Variants in ATL2 observed in about 807,000 individuals in gnomAD.
ATL2 encodes the protein atlastin GTPase 2.
ATL2 carries 31 observed loss-of-function variants against 73.9 expected under a neutral mutation model. The observed-to-expected ratio is 0.42, with a 90% CI of 0.32 to 0.57. The LOEUF is 0.57. ATL2 is among the 20% of genes least tolerant of loss of function. The pLI, the probability that ATL2 is intolerant of heterozygous loss-of-function variation, is 0.14. For missense variants in ATL2, 738 were observed against 702.6 expected (o/e 1.05, Z -0.57); for synonymous variants, 291 against 237.5 (o/e 1.23, Z -2.07).
intron 2 of ATL2, among the ~76,000 whole-genome samples, chr2:38,333,638 C>G (rs924751748): frequency 6.6e-6 from 1 of 152,064 alleles, no homozygotes; most frequent in Admixed American, 6.6e-5. Flanking sequence ...CTCTCAAATC[C>G]AAAATGGAAA....
intron 2 of ATL2, among the ~76,000 whole-genome samples, chr2:38,319,604 CA>C (rs56693226): frequency 0.035 from 4,479 of 126,790 alleles, 97 homozygotes; most frequent in Non-Finnish European, 0.054. Context: ...GCCTCAAAAA[CA>C]AAAAAAAAAA....
At chr2:38,347,321 C>A (rs1269017965) in intron 1 of ATL2, among the ~76,000 whole-genome samples, 1 of 152,138 alleles carries the variant, frequency 6.6e-6, no homozygotes, top group Admixed American at 6.6e-5. Context: ...TTGCTGTTCC[C>A]TGATGAAGCT....
chr2:38,319,603 A>T (rs1668208885), intron 2 of ATL2, among the ~76,000 whole-genome samples: 1 of 124,826 alleles, frequency 8.0e-6, no homozygotes, highest in Non-Finnish European at 1.7e-5. Context: ...TGCCTCAAAA[A>T]CAAAAAAAAA....
chr2:38,353,559 T>C (rs1288943042), intron 1 of ATL2, among the ~76,000 whole-genome samples: 2 of 152,160 alleles, frequency 1.3e-5, no homozygotes, highest in African/African-American at 4.8e-5. Flanking sequence ...GTTACCAAAA[T>C]TTGATGACAG....
chr2:38,361,017 T>G (rs1670982802), intron 1 of ATL2, among the ~76,000 whole-genome samples: 1 of 151,902 alleles, frequency 6.6e-6, no homozygotes, highest in East Asian at 1.9e-4. Flanking sequence ...GATCTAAATA[T>G]TTACATATGG....
intron 2 of ATL2, 63 bp from the exon 3 acceptor site, chr2:38,319,082 T>C: frequency 1.3e-6 from 2 of 1,529,502 alleles, no homozygotes; most frequent in Non-Finnish European, 1.8e-6. Context: ...AACCAAAAAA[T>C]CACCCATTCT....
At chr2:38,372,092 G>T (rs1040703459) in intron 1 of ATL2, among the ~76,000 whole-genome samples, 2 of 148,294 alleles carry the variant, frequency 1.3e-5, no homozygotes, top group African/African-American at 5.0e-5. Context: ...GTTTTTATGA[G>T]ATTCACTGTT....
chr2:38,314,621 T>C lies in ATL2; in HGVS notation c.698A>G (p.Gln233Arg). Residue 233 changes from glutamine to arginine, a missense_variant, in exon 6 of 13, where the codon CAG (glutamine) becomes CGG (arginine). Transcript: ENST00000378954. ...TAACTTTTTTACCTGAAATGGTTTC[T>C]GGTAGATTTCTTCCATCGCAAGTCT... Reference protein sequence around the residue: ...YGRLAMEEIYQKPFQTLMFLI... With the variant: ...YGRLAMEEIYRKPFQTLMFLI... 1.2e-6 allele frequency: 2 copies of C among 1,601,004 alleles called. No homozygotes were observed. Among genetic ancestry groups the C allele is most frequent in the Non-Finnish European group, 1.7e-6 (2 of 1,168,556 alleles).
chr2:38,322,064 GT>G (rs983565807), intron 2 of ATL2, among the ~76,000 whole-genome samples: 1 of 152,062 alleles, frequency 6.6e-6, no homozygotes, highest in African/African-American at 2.4e-5. Flanking sequence ...TGGTTTTGCA[GT>G]TTTTTTGTGA....
intron 1 of ATL2, among the ~76,000 whole-genome samples, chr2:38,357,513 G>A (rs1326877793): frequency 6.6e-6 from 1 of 151,314 alleles, no homozygotes; most frequent in Non-Finnish European, 1.5e-5. Context: ...AATTAGCTGG[G>A]CGTGGTGGCA....
At position 38,318,362 on chromosome 2, in the gene ATL2, T is replaced by G. The variant is rs1668139270; in HGVS notation, c.603+173A>C. 20 of 417,372 alleles carry G rather than the reference T, an allele frequency of 4.8e-5. No homozygotes were observed. The East Asian group carries it at 7.3e-4, about 15-fold the overall frequency. The allele number at this position is 417,372 out of a possible 1,614,324, so 25.9% of individuals were successfully genotyped here. A position where few individuals can be genotyped will look rare whatever the true frequency, so the allele number is the denominator to read the frequency against. On this transcript the variant is annotated intron_variant, in intron 4 of 12. Coordinates refer to ENST00000378954, the MANE Select transcript of ATL2 (RefSeq NM_001135673.4). ...GGCATGGTGGCGGGGGCCTGTAATC[T>G]CAGCTACTCGGGTTAGGAGAATGAA...
chr2:38,372,066 TGA>T (rs1671719912), intron 1 of ATL2, among the ~76,000 whole-genome samples: 1 of 151,186 alleles, frequency 6.6e-6, no homozygotes, highest in Non-Finnish European at 1.5e-5. Context: ...AAGGATTAAA[TGA>T]AGGGAAAAAT....
chr2:38,306,211 G>A (rs1028906364), intron 9 of ATL2, among the ~76,000 whole-genome samples: 4 of 152,006 alleles, frequency 2.6e-5, no homozygotes, highest in Admixed American at 1.3e-4. Context: ...TCTAAAACCC[G>A]TACAGACCAA....
intron 5 of ATL2, 102 bp downstream of exon 5, chr2:38,315,182 G>C (rs1004163706): frequency 2.6e-6 from 3 of 1,168,062 alleles, no homozygotes; most frequent in East Asian, 3.6e-5. Flanking sequence ...ACTTGGGAGG[G>C]GGAGGTTGCA....
Position 38,310,349 on chromosome 2 carries a change from A to G in ATL2, c.903T>C (p.Leu301=). ...LGCFLLPHPG[L]KVATNPSFDG... ...CAAAACTAGGATTAGTTGCAACTTT[A>G]AGACCAGGATGTGGCAAAAGGAAGC... Residue 301 remains leucine, a synonymous_variant, in exon 8 of 13, where the codon CTT becomes CTC. Transcript: ENST00000378954. 6.2e-7 allele frequency: 1 copy of G among 1,612,934 alleles called. No individual in the cohort carries two copies. The highest frequency in any genetic ancestry group is 1.3e-5 in the African/African-American group (1 of 74,970).
intron 2 of ATL2, among the ~76,000 whole-genome samples, chr2:38,335,976 A>G (rs1669337289): frequency 6.6e-6 from 1 of 152,330 alleles, no homozygotes; most frequent in East Asian, 1.9e-4. Context: ...GCAGTGAGCC[A>G]CTGCACTCCA....
chr2:38,365,421 G>C (rs776188523), intron 1 of ATL2, among the ~76,000 whole-genome samples: 2 of 152,036 alleles, frequency 1.3e-5, no homozygotes, highest in Admixed American at 6.6e-5. Context: ...TTGGGAGGCC[G>C]AGGCAGGCAG....
intron 12 of ATL2, among the ~76,000 whole-genome samples, chr2:38,297,202 C>T (rs1270287987): frequency 6.6e-6 from 1 of 152,028 alleles, no homozygotes; most frequent in African/African-American, 2.4e-5. Flanking sequence ...AGTCAATATC[C>T]AATCAACTTT....
At chr2:38,349,234 T>A (rs1447014446) in intron 1 of ATL2, among the ~76,000 whole-genome samples, 1 of 152,134 alleles carries the variant, frequency 6.6e-6, no homozygotes, top group Non-Finnish European at 1.5e-5. Context: ...GTATGTTCGT[T>A]GTGGCACTAT....
Sources: allele counts gnomAD v4.1 joint callset (sites outside exome capture counted in the v4.1 genomes callset), GRCh38; gene constraint gnomAD v4.1.1; transcripts MANE v1.5; gene names NCBI Gene and HGNC (gene_info 2026-07-23, HGNC 2026-07-21).